HIPK3: variants seen among roughly 807,000 people sequenced by gnomAD.
HIPK3 encodes homeodomain-interacting protein kinase 3.
HIPK3 carries 47 observed loss-of-function variants against 124.2 expected under a neutral mutation model. That is an observed-to-expected ratio of 0.38 (90% CI 0.30 to 0.48). The LOEUF is 0.48. Among genes scored for constraint, HIPK3 ranks in the 20% least tolerant of loss-of-function variants. The probability of loss-of-function intolerance (pLI) is 0.98; values close to 1 mark genes in which losing one functional copy is unlikely to be tolerated. For missense variants in HIPK3, 1,286 were observed against 1,454.3 expected (o/e 0.88, Z 1.88); for synonymous variants, 482 against 515.2 (o/e 0.94, Z 0.87).
chr11:33,289,220 G>A (rs746805220), intron 2 of HIPK3, among the ~76,000 whole-genome samples: 1 of 152,040 alleles, frequency 6.6e-6, no homozygotes, highest in Non-Finnish European at 1.5e-5. Context: ...TGGGAGGATC[G>A]CTTTAGGCCA....
At chr11:33,313,911 C>T (rs1455363443) in intron 2 of HIPK3, among the ~76,000 whole-genome samples, 2 of 152,020 alleles carry the variant, frequency 1.3e-5, no homozygotes, top group African/African-American at 4.8e-5. Context: ...GGTATAAAGA[C>T]AGCTCACTGC....
rs1409935386 is a variant in HIPK3 at position 33,354,854 on chromosome 11, T to C, written c.*1286T>C. ...GTTCCCCCCTTCCCCGACATTTTTT[T>C]CTTTTTTGGGTGGTGGTGATGGTAG... On this transcript the variant is annotated 3_prime_UTR_variant, in exon 17 of 17. Coordinates refer to ENST00000303296, the MANE Select transcript of HIPK3 (RefSeq NM_005734.5). 1 of 152,054 alleles carries C rather than the reference T, an allele frequency of 6.6e-6. No individual in the cohort carries two copies. Among genetic ancestry groups the C allele is most frequent in the Non-Finnish European group, 1.5e-5 (1 of 67,936 alleles). 9.4% of individuals were successfully genotyped at this position (152,054 alleles called of 1,614,324 possible). A position where few individuals can be genotyped will look rare whatever the true frequency, so the allele number is the denominator to read the frequency against.
chr11:33,342,052 G>A (rs936733716), intron 8 of HIPK3, among the ~76,000 whole-genome samples: 3 of 144,026 alleles, frequency 2.1e-5, no homozygotes, highest in East Asian at 4.1e-4. Context: ...GCAGAGAGCC[G>A]AGATTGCGCC....
intron 3 of HIPK3, among the ~76,000 whole-genome samples, chr11:33,330,549 G>A (rs1212827729): frequency 1.3e-5 from 2 of 152,120 alleles, no homozygotes; most frequent in Admixed American, 6.5e-5. Flanking sequence ...GGCTGGTCTC[G>A]AACTCTTGAC....
chr11:33,330,617 G>A (rs1232346273), intron 3 of HIPK3, among the ~76,000 whole-genome samples: 2 of 152,144 alleles, frequency 1.3e-5, no homozygotes, highest in Admixed American at 6.5e-5. Context: ...GTGAGCCACT[G>A]TGCCCCGCCC....
intron 8 of HIPK3, among the ~76,000 whole-genome samples, chr11:33,345,881 C>G (rs1853477216): frequency 6.6e-6 from 1 of 152,116 alleles, no homozygotes; most frequent in African/African-American, 2.4e-5. Flanking sequence ...TTAACACTTA[C>G]ATCTGTGAAA....
chr11:33,263,644 C>T (rs902511059), intron 1 of HIPK3, among the ~76,000 whole-genome samples: 5 of 152,076 alleles, frequency 3.3e-5, no homozygotes, highest in African/African-American at 1.2e-4. Flanking sequence ...GTTGCTGGAG[C>T]CCAGAGTTCA....
chr11:33,333,060 C>T (rs1365900862), intron 3 of HIPK3, among the ~76,000 whole-genome samples: 4 of 152,212 alleles, frequency 2.6e-5, no homozygotes, highest in East Asian at 3.9e-4. Context: ...CATGAGGTAT[C>T]GGCCCCTATT....
chr11:33,256,882 G>A (rs1467355158), upstream of HIPK3: 1 of 187,684 alleles, frequency 5.3e-6, no homozygotes, highest in East Asian at 1.9e-4. Flanking sequence ...GGAGCGGGTA[G>A]AACCTAGTTT....
chr11:33,288,338 C>T (rs1274593749), intron 2 of HIPK3, among the ~76,000 whole-genome samples: 2 of 152,014 alleles, frequency 1.3e-5, no homozygotes, highest in South Asian at 2.1e-4. Context: ...GTCTATAATC[C>T]CAGCAACTTG....
At chr11:33,292,585 CT>C (rs1376440291) in intron 2 of HIPK3, among the ~76,000 whole-genome samples, 2 of 152,106 alleles carry the variant, frequency 1.3e-5, no homozygotes, top group African/African-American at 2.4e-5. Flanking sequence ...CACTAAGCCA[CT>C]CTTAACCTAA....
At chr11:33,306,740 T>C (rs1852171708) in intron 2 of HIPK3, among the ~76,000 whole-genome samples, 1 of 152,168 alleles carries the variant, frequency 6.6e-6, no homozygotes, top group African/African-American at 2.4e-5. Context: ...TCTTAGGACA[T>C]TGTGTACATT....
chr11:33,282,608 G>T (rs1486932005), intron 1 of HIPK3, among the ~76,000 whole-genome samples: 2 of 152,066 alleles, frequency 1.3e-5, no homozygotes, highest in Non-Finnish European at 2.9e-5. Flanking sequence ...ACTTGAACTT[G>T]GAAGGTGGAG....
chr11:33,334,407 A>G (rs894975394), intron 3 of HIPK3, among the ~76,000 whole-genome samples: 3 of 152,152 alleles, frequency 2.0e-5, no homozygotes, highest in Non-Finnish European at 4.4e-5. Flanking sequence ...AGAACAATAT[A>G]GGAAAGAGAA....
In HIPK3 at chr11:33,289,580, A is replaced by G. The variant is rs141362916; in HGVS notation, c.1097+2069A>G. On this transcript the variant is annotated intron_variant, in intron 2 of 16. Coordinates refer to ENST00000303296, the MANE Select transcript of HIPK3 (RefSeq NM_005734.5). Reference sequence around the variant, plus strand: ...TTTATGAGGTATTTGAGATATTTTGATATAGGCATACAGTACATAATAATC... The same window carrying G: ...TTTATGAGGTATTTGAGATATTTTGGTATAGGCATACAGTACATAATAATC... Among the ~76,000 whole-genome samples, 147 of 152,250 alleles carry G rather than the reference A, an allele frequency of 9.7e-4. 1 individual carries two copies. The East Asian group carries it at 0.025, about 26-fold the overall frequency.
At chr11:33,259,846 G>A (rs1850778107) in intron 1 of HIPK3, among the ~76,000 whole-genome samples, 2 of 138,880 alleles carry the variant, frequency 1.4e-5, no homozygotes, top group Admixed American at 8.2e-5. Context: ...AGTATTTGTG[G>A]AGAACCTTAG....
chr11:33,308,610 A>G lies in HIPK3; in HGVS notation c.1098-19900A>G, dbSNP rs1352522122. Among the ~76,000 whole-genome samples the G allele has an allele frequency of 3.4e-5, 4 of 116,126 alleles. No homozygotes were observed. The East Asian group carries it at 1.3e-3, about 38-fold the overall frequency. 76.2% of individuals were successfully genotyped at this position (116,126 alleles called of 152,430 possible). ...GCACTTGATCTACAGGTGTGTGCCT[A>G]GGGGTGTGTGTGTGTGTGTGTGTGT... On this transcript the variant is annotated intron_variant, in intron 2 of 16. Coordinates refer to ENST00000303296, the MANE Select transcript of HIPK3 (RefSeq NM_005734.5).
At position 33,353,643 on chromosome 11, in the gene HIPK3, A is replaced by G. The variant is rs1306571593; in HGVS notation, c.*75A>G. On this transcript the variant is annotated 3_prime_UTR_variant, in exon 17 of 17. Transcript: ENST00000303296. ...AAAAACATGGTATTTAATATTAGCC[A>G]TGGCACAAGAAAATTATTTTTGAAT... 5 of 1,001,958 alleles carry G rather than the reference A, an allele frequency of 5.0e-6. No individual in the cohort carries two copies. Among genetic ancestry groups the G allele is most frequent in the Admixed American group, 2.1e-5 (1 of 47,218 alleles). The allele number at this position is 1,001,958 out of a possible 1,614,324, so 62.1% of individuals were successfully genotyped here.
At chr11:33,343,344 G>A (rs1853398939) in intron 8 of HIPK3, among the ~76,000 whole-genome samples, 1 of 149,656 alleles carries the variant, frequency 6.7e-6, no homozygotes, top group African/African-American at 2.5e-5. Flanking sequence ...GTGGTAGCAC[G>A]ATCTTGGCTC....
Sources: allele counts gnomAD v4.1 joint callset (sites outside exome capture counted in the v4.1 genomes callset), GRCh38; gene constraint gnomAD v4.1.1; transcripts MANE v1.5; gene names NCBI Gene and HGNC (gene_info 2026-07-23, HGNC 2026-07-21).